The following CRYBG1 variants were observed in gnomAD, a reference collection of about 807,000 sequenced individuals.
CRYBG1 encodes beta/gamma crystallin domain-containing protein 1.
CRYBG1 carries 139 observed loss-of-function variants against 189.2 expected under a neutral mutation model. That is an observed-to-expected ratio of 0.73 (90% CI 0.64 to 0.85). CRYBG1 has a LOEUF of 0.85. Among genes scored for constraint, CRYBG1 ranks in the 40% least tolerant of loss-of-function variants. The pLI is 0.00. For missense variants in CRYBG1, 2,611 were observed against 2,675.8 expected (o/e 0.98, Z 0.53); for synonymous variants, 1,023 against 1,017.1 (o/e 1.01, Z -0.11).
chr6:106,473,123 A>G (rs1464317559), intron 2 of CRYBG1, among the ~76,000 whole-genome samples: 1 of 152,204 alleles, frequency 6.6e-6, no homozygotes, highest in Non-Finnish European at 1.5e-5. Context: ...AGGAGGAATA[A>G]AATGGGCTTG....
intron 13 of CRYBG1, among the ~76,000 whole-genome samples, chr6:106,551,580 G>A (rs556687872): frequency 5.9e-5 from 9 of 152,304 alleles, no homozygotes; most frequent in African/African-American, 2.2e-4. Flanking sequence ...TTAGTTCTTT[G>A]AGAAATCTTC....
chr6:106,508,917 CAAAAAA>C (rs67365041), intron 2 of CRYBG1, among the ~76,000 whole-genome samples: 4 of 143,146 alleles, frequency 2.8e-5, no homozygotes, highest in Non-Finnish European at 4.6e-5. Context: ...ATCTAATAGC[CAAAAAA>C]AAAAAAAAAA....
chr6:106,424,875 T>C (rs903865813), intron 1 of CRYBG1, among the ~76,000 whole-genome samples: 13 of 152,124 alleles, frequency 8.5e-5, no homozygotes, highest in African/African-American at 3.1e-4. Context: ...CACCCTATAC[T>C]TTCTGGAGAC....
At position 106,541,608 on chromosome 6, in the gene CRYBG1, C is replaced by T. The variant is rs137979947; in HGVS notation, c.4868C>T (p.Pro1623Leu). ...LKMGGRKVEF[P>L]TDPKVVVYEK... The stretch of plus-strand genomic sequence containing the variant: ...CAGGGTGGCCGTAAAGTTGAATTCC[C>T]TACAGATCCAAAGGTAAAAATATAT... The change falls in exon 10 of 22, where the codon CCT becomes CTT. Residue 1623 changes from proline to leucine, a missense_variant. Coordinates refer to ENST00000633556, the MANE Select transcript of CRYBG1 (RefSeq NM_001371242.2). The T allele has an allele frequency of 6.8e-5, 110 of 1,610,158 alleles. No homozygotes were observed. In the African/African-American group the frequency reaches 1.3e-3, roughly 19 times the overall value.
chr6:106,364,150 C>T (rs1191104064), intron 1 of CRYBG1, among the ~76,000 whole-genome samples: 1 of 151,994 alleles, frequency 6.6e-6, no homozygotes, highest in East Asian at 1.9e-4. Context: ...CATAGTGAAA[C>T]CTCATCTTTA....
chr6:106,518,973 G>GCACACACA (rs1193845182), intron 3 of CRYBG1, among the ~76,000 whole-genome samples, 158 bp from the exon 4 acceptor site: 9 of 41,740 alleles, frequency 2.2e-4, no homozygotes, highest in South Asian at 2.3e-3. Flanking sequence ...ACACATGTGT[G>GCACACACA]CGCACACACA....
At position 106,568,588 on chromosome 6, in the gene CRYBG1, T is replaced by C; in HGVS notation, c.*22T>C. The C allele has an allele frequency of 3.2e-6, 5 of 1,555,570 alleles. No individual in the cohort carries two copies. The highest frequency in any genetic ancestry group is 3.4e-4 in the Middle Eastern group (2 of 5,914). ...CTGAACAAAGAAGGAAGAAGAATCT[T>C]CTGGAGGTCCTTCCAGCCACCTTAT... On this transcript the variant is annotated 3_prime_UTR_variant, in exon 22 of 22. Coordinates refer to ENST00000633556, the MANE Select transcript of CRYBG1 (RefSeq NM_001371242.2).
chr6:106,467,292 A>G (rs575092953), intron 2 of CRYBG1, among the ~76,000 whole-genome samples: 4 of 151,894 alleles, frequency 2.6e-5, no homozygotes, highest in South Asian at 4.2e-4. Context: ...CTGATTTTGG[A>G]GAGATCTTGT....
At chr6:106,424,523 G>A (rs563264737) in intron 1 of CRYBG1, among the ~76,000 whole-genome samples, 3 of 152,104 alleles carry the variant, frequency 2.0e-5, no homozygotes, top group Admixed American at 1.3e-4. Context: ...GTGAAATGGT[G>A]CAATCTCAGC....
intron 2 of CRYBG1, among the ~76,000 whole-genome samples, chr6:106,474,075 C>T (rs1772289509): frequency 6.6e-6 from 1 of 152,010 alleles, no homozygotes; most frequent in African/African-American, 2.4e-5. Flanking sequence ...ACAAAAGAAA[C>T]TATCTTGTTG....
At position 106,521,303 on chromosome 6, in the gene CRYBG1, T is replaced by C. The variant is rs1355398154; in HGVS notation, c.4095T>C (p.Asp1365=). The C allele has an allele frequency of 3.1e-6, 5 of 1,614,042 alleles. No individual in the cohort carries two copies. The highest frequency in any genetic ancestry group is 4.2e-6 in the Non-Finnish European group (5 of 1,180,040). Residue 1365 remains aspartate (D), a synonymous_variant, in exon 4 of 22, where the codon GAT becomes GAC. Transcript: ENST00000633556. ...KFSELSKLKN[D]DMEKANHIES... ...CTGAATTGTCAAAACTGAAGAATGA[T>C]GATATGGAAAAGGCTAATCATATTG... is the stretch of plus-strand genomic sequence containing the variant.
intron 2 of CRYBG1, among the ~76,000 whole-genome samples, chr6:106,461,506 C>T (rs1692908151): frequency 6.6e-6 from 1 of 152,164 alleles, no homozygotes; most frequent in Non-Finnish European, 1.5e-5. Flanking sequence ...AGGATCTTAT[C>T]ATCATTTTGA....
intron 2 of CRYBG1, chr6:106,454,800 T>C (rs745639278): frequency 6.6e-6 from 1 of 152,278 alleles, no homozygotes. Flanking sequence ...CAATATTGTA[T>C]TGAATCTTTC....
intron 2 of CRYBG1, among the ~76,000 whole-genome samples, chr6:106,497,668 C>A (rs1292493944): frequency 6.6e-6 from 1 of 152,254 alleles, no homozygotes; most frequent in Non-Finnish European, 1.5e-5. Context: ...ATCTTCTAGT[C>A]CCACCAGCTA....
intron 1 of CRYBG1, among the ~76,000 whole-genome samples, chr6:106,388,575 G>T (rs561457814): frequency 2.0e-5 from 3 of 152,166 alleles, no homozygotes; most frequent in African/African-American, 4.8e-5. Flanking sequence ...TTAAGCAGGA[G>T]CCTCTTAAAA....
chr6:106,447,512 T>A (rs72949648), intron 1 of CRYBG1, among the ~76,000 whole-genome samples: 30,434 of 149,358 alleles, frequency 0.2, 3,303 homozygotes, highest in Middle Eastern at 0.27. Context: ...ATGTGATTAT[T>A]ACACTTTGAA....
chr6:106,466,123 C>T (rs1016971042), intron 2 of CRYBG1, among the ~76,000 whole-genome samples: 21 of 152,130 alleles, frequency 1.4e-4, no homozygotes, highest in Admixed American at 1.4e-3. Flanking sequence ...GTCTTCTCTA[C>T]CTTCATATTC....
chr6:106,363,219 G>T (rs1355580994), intron 1 of CRYBG1, among the ~76,000 whole-genome samples: 3 of 138,516 alleles, frequency 2.2e-5, no homozygotes, highest in Non-Finnish European at 3.0e-5. Flanking sequence ...ACTCCAGCCT[G>T]GGCGACAGAG....
At chr6:106,546,666 T>C (rs1774271873) in intron 13 of CRYBG1, among the ~76,000 whole-genome samples, 1 of 152,262 alleles carries the variant, frequency 6.6e-6, no homozygotes, top group Admixed American at 6.5e-5. Context: ...GGTCCTATTC[T>C]GGAGCCCTAA....
Sources: allele counts gnomAD v4.1 joint callset (sites outside exome capture counted in the v4.1 genomes callset), GRCh38; gene constraint gnomAD v4.1.1; transcripts MANE v1.5; gene names NCBI Gene and HGNC (gene_info 2026-07-23, HGNC 2026-07-21).